The following LANCL3 variants were observed in gnomAD, a reference collection of about 807,000 sequenced individuals.
LANCL3 encodes the protein lanC-like protein 3.
A neutral mutation model predicts 26.5 loss-of-function variants in LANCL3; 19 were observed. The observed-to-expected ratio is 0.72, with a 90% CI of 0.50 to 1.05. The LOEUF is 1.05. Ranked by LOEUF, LANCL3 falls within the 50% of genes least tolerant of loss-of-function variation. The pLI is 0.00. For missense variants in LANCL3, 318 were observed against 362.7 expected (o/e 0.88, Z 1.00); for synonymous variants, 160 against 166.6 (o/e 0.96, Z 0.30).
chrX:37,641,723 G>A (rs1556425932), intron 1 of LANCL3, among the ~76,000 whole-genome samples: 1 of 111,734 alleles, frequency 8.9e-6, no homozygotes, highest in African/African-American at 3.3e-5. Context: ...GCATCTAGGT[G>A]AAAGAGCTAT....
chrX:37,657,542 ATTTT>A (rs34071239), intron 2 of LANCL3, among the ~76,000 whole-genome samples: 35 of 92,483 alleles, frequency 3.8e-4, no homozygotes, highest in South Asian at 3.0e-3. Flanking sequence ...TTTATCTTTA[ATTTT>A]TTTTTTTTTT....
At chrX:37,617,876 A>G (rs916497620) in intron 1 of LANCL3, among the ~76,000 whole-genome samples, 2 of 111,840 alleles carry the variant, frequency 1.8e-5, no homozygotes, top group African/African-American at 6.5e-5. Flanking sequence ...TGAGTCTTAC[A>G]AAGGAATTTT....
At chrX:37,605,269 C>CA (rs782300364) in intron 1 of LANCL3, among the ~76,000 whole-genome samples, 37 of 110,273 alleles carry the variant, frequency 3.4e-4, no homozygotes, top group East Asian at 1.4e-3. Flanking sequence ...TTTTGAAAAG[C>CA]AAAAAAAAGA....
chrX:37,591,159 C>T (rs868991824), intron 1 of LANCL3, among the ~76,000 whole-genome samples: 1 of 107,298 alleles, frequency 9.3e-6, no homozygotes, highest in African/African-American at 3.8e-5. Flanking sequence ...ACTTGCCTAT[C>T]ATCACACAGC....
At chrX:37,598,361 A>G (rs1156954426) in intron 1 of LANCL3, among the ~76,000 whole-genome samples, 2 of 111,783 alleles carry the variant, frequency 1.8e-5, no homozygotes, top group Non-Finnish European at 3.8e-5. Flanking sequence ...AGACAAATTA[A>G]ATCTGAATCT....
intron 1 of LANCL3, among the ~76,000 whole-genome samples, chrX:37,605,150 G>A (rs1924673017): frequency 8.9e-6 from 1 of 111,879 alleles, no homozygotes; most frequent in South Asian, 3.8e-4. Context: ...GGTATCATGG[G>A]CCATTTATCC....
At chrX:37,587,287 A>T (rs1379821504) in intron 1 of LANCL3, among the ~76,000 whole-genome samples, 4 of 112,456 alleles carry the variant, frequency 3.6e-5, no homozygotes, top group Non-Finnish European at 7.5e-5. Context: ...CAGATTTCAA[A>T]TTCCATGCTG....
rs782263229 is a variant in LANCL3, at chrX:37,675,713, T to C, written c.1163T>C (p.Ile388Thr). ...FKAGSRVLES[I>T]YSLYEGFSGT... Reference sequence around the variant, plus strand: ...GCCGGTTCTCGGGTCCTTGAAAGTATATACAGCTTGTATGAAGGCTTCTCT... The same window carrying C: ...GCCGGTTCTCGGGTCCTTGAAAGTACATACAGCTTGTATGAAGGCTTCTCT... The change falls in exon 5 of 5, where the codon ATA (isoleucine) becomes ACA (threonine). Residue 388 changes from isoleucine (I) to threonine (T), a missense_variant. Transcript: ENST00000378619. 9 of 1,161,035 alleles carry C rather than the reference T, an allele frequency of 7.8e-6. No individual in the cohort carries two copies. The highest frequency in any genetic ancestry group is 9.2e-6 in the Non-Finnish European group (8 of 868,359).
At chrX:37,589,200 G>A (rs1333758832) in intron 1 of LANCL3, among the ~76,000 whole-genome samples, 1 of 110,567 alleles carries the variant, frequency 9.0e-6, no homozygotes, top group Non-Finnish European at 1.9e-5. Context: ...ATTACAAATT[G>A]CAATTGTTGA....
intron 2 of LANCL3, among the ~76,000 whole-genome samples, chrX:37,659,231 A>G (rs1926358357): frequency 1.8e-5 from 2 of 112,872 alleles, no homozygotes; most frequent in Admixed American, 9.3e-5. Flanking sequence ...ATGAATGAGC[A>G]TGGCTATTCT....
intron 1 of LANCL3, among the ~76,000 whole-genome samples, chrX:37,609,483 A>G (rs1924804978): frequency 8.9e-6 from 1 of 111,847 alleles, no homozygotes; most frequent in South Asian, 3.7e-4. Flanking sequence ...GTACTTTGAA[A>G]GCCAAGTAAA....
intron 3 of LANCL3, among the ~76,000 whole-genome samples, chrX:37,661,099 A>G (rs1238745577): frequency 9.0e-6 from 1 of 111,293 alleles, no homozygotes; most frequent in Non-Finnish European, 1.9e-5. Flanking sequence ...AATTATTCTC[A>G]GTGATGGTCT....
intron 1 of LANCL3, among the ~76,000 whole-genome samples, chrX:37,647,080 C>T (rs782259547): frequency 2.7e-5 from 3 of 111,518 alleles, no homozygotes; most frequent in Admixed American, 9.5e-5. Context: ...TTTGGGAGGC[C>T]GAGGCGGGCA....
At chrX:37,671,761 TTATCTAA>T (rs1481481457) in intron 4 of LANCL3, among the ~76,000 whole-genome samples, 1 of 112,245 alleles carries the variant, frequency 8.9e-6, no homozygotes, top group African/African-American at 3.2e-5. Context: ...CCAAGTCAAC[TTATCTAA>T]TATTTAATGT....
chrX:37,637,492 C>A (rs1362808246), intron 1 of LANCL3, among the ~76,000 whole-genome samples: 4 of 111,146 alleles, frequency 3.6e-5, no homozygotes. Flanking sequence ...AAAGAGAATA[C>A]ATGCGCGTGG....
In LANCL3 at chrX:37,680,293, A is replaced by G. The variant is rs781980131; in HGVS notation, c.*4480A>G. 2.7e-5 allele frequency: 3 copies of G among 112,360 alleles called. No homozygotes were observed. The highest frequency in any genetic ancestry group is 7.4e-4 in the South Asian group (2 of 2,705). The allele number at this position is 112,360 out of a possible 1,213,427, so 9.3% of individuals were successfully genotyped here. On this transcript the variant is annotated 3_prime_UTR_variant, in exon 5 of 5. Transcript: ENST00000378619. ...ATGTTACAAAAAAAGTTGATGCTAC[A>G]TTAAATGTTTTACCCTCATCCATTA... is the stretch of plus-strand genomic sequence containing the variant.
chrX:37,655,809 TG>T lies in LANCL3; in HGVS notation c.697+1del. On this transcript the variant is annotated frameshift_variant and splice_region_variant, in exon 2 of 5. Transcript: ENST00000378619. LOFTEE classifies it high-confidence loss of function. Reference protein sequence around the residue: ...LMYSYYGTEYLGAAHGLSSIL... With the variant: ...LMYSYYGTEYXGAAHGLSSIL... The stretch of plus-strand genomic sequence containing the variant: ...TATTCTTACTATGGAACCGAATACT[TG>T]GGTAAGTGAAGGTGTTTGCATGGGC... 1 of 1,206,510 alleles carries T rather than the reference TG, an allele frequency of 8.3e-7. No homozygotes were observed.
intron 1 of LANCL3, among the ~76,000 whole-genome samples, chrX:37,579,401 A>G (rs1946691696): frequency 9.0e-6 from 1 of 111,580 alleles, no homozygotes; most frequent in Non-Finnish European, 1.9e-5. Flanking sequence ...TATATATACT[A>G]CTTTTCTGAT....
chrX:37,653,541 T>C (rs782407675), intron 1 of LANCL3, among the ~76,000 whole-genome samples: 1 of 112,359 alleles, frequency 8.9e-6, no homozygotes, highest in African/African-American at 3.2e-5. Flanking sequence ...TCCAATTAAG[T>C]GCATGCCCTT....
Sources: gnomAD v4.1 joint callset for allele counts (sites outside exome capture counted in the v4.1 genomes callset) on GRCh38, gnomAD v4.1.1 for gene constraint, MANE v1.5 for transcripts, NCBI Gene and HGNC (gene_info 2026-07-23, HGNC 2026-07-21) for gene names.